Variants in KCTD16 observed in about 807,000 individuals in gnomAD.
KCTD16 encodes BTB/POZ domain-containing protein KCTD16.
A neutral mutation model predicts 33.2 loss-of-function variants in KCTD16; 13 were observed. That is an observed-to-expected ratio of 0.39 (90% CI 0.25 to 0.62). KCTD16 has a LOEUF of 0.62. Ranked by LOEUF, KCTD16 falls within the 20% of genes least tolerant of loss-of-function variation. The probability of loss-of-function intolerance (pLI) is 0.50; values close to 1 mark genes in which losing one functional copy is unlikely to be tolerated. For synonymous variants in KCTD16, 197 were observed against 195.3 expected, an observed-to-expected ratio of 1.01 and a Z score of -0.07; for missense variants, 441 against 525.1, an observed-to-expected ratio of 0.84 and a Z score of 1.57.
Position 144,481,272 on chromosome 5 carries a change from TAG to T in KCTD16, c.*7159_*7160del, listed in dbSNP as rs1754699426. The T allele has an allele frequency of 6.6e-6, 1 of 151,996 alleles. No individual in the cohort carries two copies. Among genetic ancestry groups the T allele is most frequent in the Non-Finnish European group, 1.5e-5 (1 of 67,950 alleles). 9.4% of individuals were successfully genotyped at this position (151,996 alleles called of 1,614,324 possible). A position where few individuals can be genotyped will look rare whatever the true frequency, so the allele number is the denominator to read the frequency against. ...CACAAAGTGCTCTCAGAAATGAAAC[TAG>T]TAAGGGGGAGAAAGTGTTTTGAGCA... On this transcript the variant is annotated 3_prime_UTR_variant, in exon 4 of 4. Coordinates refer to ENST00000512467, the MANE Select transcript of KCTD16 (RefSeq NM_020768.4).
chr5:144,196,781 TTGTCTGATGTCCTC>T lies in KCTD16; in HGVS notation c.-326-9605_-326-9592del, dbSNP rs1319158855. On this transcript the variant is annotated intron_variant, in intron 2 of 3. Coordinates refer to ENST00000512467, the MANE Select transcript of KCTD16 (RefSeq NM_020768.4). ...ACAACACTGGCTCCATTTCAAACAA[TTGTCTGATGTCCTC>T]TGGCAGCTATTGGAACTGCACATTG... is the stretch of plus-strand genomic sequence containing the variant. Among the ~76,000 whole-genome samples, 7 of 152,314 alleles carry T rather than the reference TTGTCTGATGTCCTC, an allele frequency of 4.6e-5. No individual in the cohort carries two copies. In the East Asian group the frequency reaches 1.4e-3, roughly 29 times the overall value.
chr5:144,419,650 T>G (rs1355379045), intron 3 of KCTD16, among the ~76,000 whole-genome samples: 1 of 152,146 alleles, frequency 6.6e-6, no homozygotes, highest in African/African-American at 2.4e-5. Flanking sequence ...TTGATACCTA[T>G]AGACCAGCAC....
At chr5:144,346,628 T>C (rs1234806243) in intron 3 of KCTD16, among the ~76,000 whole-genome samples, 2 of 152,196 alleles carry the variant, frequency 1.3e-5, no homozygotes, top group African/African-American at 4.8e-5. Context: ...TGAGCACCTT[T>C]TCATATGTCT....
intron 3 of KCTD16, among the ~76,000 whole-genome samples, chr5:144,446,770 A>G (rs1003800026): frequency 6.6e-6 from 1 of 152,232 alleles, no homozygotes; most frequent in Non-Finnish European, 1.5e-5. Flanking sequence ...ACCTTTCAAA[A>G]GAAGAGATTT....
intron 3 of KCTD16, among the ~76,000 whole-genome samples, chr5:144,316,056 G>A (rs1013017309): frequency 6.6e-6 from 1 of 151,422 alleles, no homozygotes; most frequent in Non-Finnish European, 1.5e-5. Context: ...CGTTTTCGTA[G>A]GAACAACTCT....
intron 3 of KCTD16, among the ~76,000 whole-genome samples, chr5:144,209,987 A>G (rs533156458): frequency 3.2e-4 from 48 of 151,382 alleles, no homozygotes; most frequent in Non-Finnish European, 5.2e-4. Flanking sequence ...TAACACAGGA[A>G]TAAGGCAGAG....
chr5:144,426,485 G>C (rs1753332564), intron 3 of KCTD16, among the ~76,000 whole-genome samples: 1 of 151,978 alleles, frequency 6.6e-6, no homozygotes, highest in Non-Finnish European at 1.5e-5. Flanking sequence ...TCCAGATTCT[G>C]CCCATTACCC....
intron 3 of KCTD16, among the ~76,000 whole-genome samples, chr5:144,343,915 A>C (rs1752713520): frequency 6.6e-6 from 1 of 152,028 alleles, no homozygotes; most frequent in Non-Finnish European, 1.5e-5. Context: ...ATCCTAAGCC[A>C]AAAGAACAAA....
intron 3 of KCTD16, among the ~76,000 whole-genome samples, chr5:144,445,767 T>G (rs1032135712): frequency 1.3e-5 from 2 of 151,804 alleles, no homozygotes; most frequent in African/African-American, 4.8e-5. Context: ...GGTCTCTCTA[T>G]CTTGTTTAAT....
At chr5:144,175,814 A>G (rs1752494817) in intron 2 of KCTD16, among the ~76,000 whole-genome samples, 1 of 152,206 alleles carries the variant, frequency 6.6e-6, no homozygotes, top group African/African-American at 2.4e-5. Context: ...GTATTCCATA[A>G]ATATTTGCAA....
intron 3 of KCTD16, among the ~76,000 whole-genome samples, chr5:144,464,501 A>G (rs1418239234): frequency 6.6e-6 from 1 of 152,216 alleles, no homozygotes; most frequent in Non-Finnish European, 1.5e-5. Context: ...GTTGCCATAC[A>G]TCCTACAGTG....
intron 3 of KCTD16, among the ~76,000 whole-genome samples, chr5:144,350,924 A>G (rs763211705): frequency 5.6e-4 from 85 of 151,824 alleles, no homozygotes; most frequent in Non-Finnish European, 9.6e-4. Flanking sequence ...TAAATTTTCC[A>G]TGCTGAATTC....
chr5:144,416,505 G>A (rs939386058), intron 3 of KCTD16, among the ~76,000 whole-genome samples: 3 of 152,170 alleles, frequency 2.0e-5, no homozygotes, highest in Admixed American at 6.5e-5. Flanking sequence ...GTTAGACAGA[G>A]AGGAAATATG....
chr5:144,289,122 C>A (rs577284323), intron 3 of KCTD16, among the ~76,000 whole-genome samples: 86 of 152,300 alleles, frequency 5.6e-4, no homozygotes, highest in African/African-American at 2.0e-3. Context: ...GTGTTTTCTT[C>A]ATGGCATAAC....
chr5:144,272,966 A>C (rs1392402235), intron 3 of KCTD16, among the ~76,000 whole-genome samples: 1 of 152,160 alleles, frequency 6.6e-6, no homozygotes, highest in Non-Finnish European at 1.5e-5. Context: ...CAACAAAATA[A>C]AAAAATATAT....
chr5:144,378,479 T>C (rs1411631817), intron 3 of KCTD16, among the ~76,000 whole-genome samples: 2 of 152,180 alleles, frequency 1.3e-5, no homozygotes, highest in East Asian at 1.9e-4. Flanking sequence ...ATCTAGCTAG[T>C]TGAAGAGTGG....
At position 144,207,202 on chromosome 5, in the gene KCTD16, G is replaced by C. The variant is rs1753209469; in HGVS notation, c.488G>C (p.Trp163Ser). ...TCCCTGCTCCCTGCCGACCGCAAGT[G>C]GGGTTTCATTACTGTGGGTTACAGA... ...PSSLLPADRK[W>S]GFITVGYRGS... The change falls in exon 3 of 4, where the codon TGG becomes TCG. Residue 163 changes from tryptophan (W) to serine (S), a missense_variant. Around this residue, in one of 3 missense-constraint regions of KCTD16, gnomAD observed 355 missense variants for 413.0 expected, o/e 0.86. Transcript: ENST00000512467. 6.2e-7 allele frequency: 1 copy of C among 1,613,472 alleles called. No individual in the cohort carries two copies. The highest frequency in any genetic ancestry group is 1.7e-5 in the Admixed American group (1 of 59,922).
At chr5:144,310,828 A>G (rs944718168) in intron 3 of KCTD16, among the ~76,000 whole-genome samples, 2 of 152,100 alleles carry the variant, frequency 1.3e-5, no homozygotes, top group East Asian at 3.9e-4. Flanking sequence ...TCACTGACAG[A>G]CCTCAGGGTT....
rs1317793398 is a variant in KCTD16 at position 144,481,267 on chromosome 5, GA to G, written c.*7156del. 6.6e-6 allele frequency: 1 copy of G among 151,968 alleles called. No individual in the cohort carries two copies. The highest frequency in any genetic ancestry group is 1.5e-5 in the Non-Finnish European group (1 of 67,940). The allele number at this position is 151,968 out of a possible 1,614,324, so 9.4% of individuals were successfully genotyped here. A position where few individuals can be genotyped will look rare whatever the true frequency, so the allele number is the denominator to read the frequency against. ...TAGACCACAAAGTGCTCTCAGAAAT[GA>G]AACTAGTAAGGGGGAGAAAGTGTTT... is the stretch of plus-strand genomic sequence containing the variant. On this transcript the variant is annotated 3_prime_UTR_variant, in exon 4 of 4. Transcript: ENST00000512467.
Sources: gnomAD v4.1 joint callset for allele counts (sites outside exome capture counted in the v4.1 genomes callset) on GRCh38, gnomAD v4.1.1 for gene constraint, gnomAD v4.1.1 regional missense constraint, MANE v1.5 for transcripts, NCBI Gene and HGNC (gene_info 2026-07-23, HGNC 2026-07-21) for gene names.